The following KIRREL3 variants were observed in gnomAD, a reference collection of about 807,000 sequenced individuals.
The protein encoded by KIRREL3 is kirre like nephrin family adhesion molecule 3.
Under a neutral mutation model 89.7 loss-of-function variants are expected in KIRREL3, and 36 were observed. That is an observed-to-expected ratio of 0.40 (90% CI 0.31 to 0.53). KIRREL3 has a LOEUF of 0.53. Among genes scored for constraint, KIRREL3 ranks in the 20% least tolerant of loss-of-function variants. The probability of loss-of-function intolerance (pLI) is 0.49; values close to 1 mark genes in which losing one functional copy is unlikely to be tolerated. For synonymous variants in KIRREL3, 445 were observed against 441.4 expected (o/e 1.01, Z -0.10); for missense variants, 864 against 1,056.6 (o/e 0.82, Z 2.53).
chr11:126,928,540 G>A (rs186198994), intron 1 of KIRREL3, among the ~76,000 whole-genome samples: 202 of 152,222 alleles, frequency 1.3e-3, no homozygotes, highest in Non-Finnish European at 2.4e-3. Flanking sequence ...ACTGTCATGA[G>A]CTGGAGGCTG....
In KIRREL3 at chr11:126,564,696, G is replaced by GGATC. The variant is rs1940387006; in HGVS notation, c.56-1788_56-1785dup. 1.3e-5 allele frequency among the ~76,000 whole-genome samples: 2 copies of GGATC among 152,166 alleles called. No homozygotes were observed. Among genetic ancestry groups the GGATC allele is most frequent in the African/African-American group, 4.8e-5 (2 of 41,448 alleles). On this transcript the variant is annotated intron_variant, in intron 1 of 16. Transcript: ENST00000525144. This position sits in a 1 kb window ranked among gnomAD's most constrained non-coding sequence, Gnocchi z 7.4. ...GCTCCTGCTCTGTCGCAGGCCTCAT[G>GGATC]GATCAAAGCCCCTTTGATGTTTACT... is the stretch of plus-strand genomic sequence containing the variant.
At chr11:126,662,804 G>A (rs1443751680) in intron 1 of KIRREL3, among the ~76,000 whole-genome samples, 1 of 151,640 alleles carries the variant, frequency 6.6e-6, no homozygotes, top group Admixed American at 6.6e-5. Flanking sequence ...GTCACATGGA[G>A]GCAGAAAAAG....
chr11:126,661,692 G>T (rs968248982), intron 1 of KIRREL3, among the ~76,000 whole-genome samples: 10 of 152,148 alleles, frequency 6.6e-5, no homozygotes, highest in Non-Finnish European at 8.8e-5. Flanking sequence ...CTCATCATTG[G>T]CTGCATGTTA....
In KIRREL3 at chr11:126,996,447, C is replaced by G. The variant is rs1261726289; in HGVS notation, c.55+4008G>C. ...AGGCCACCTCTGATGTGTTCAGGCT[C>G]TCTTCCGATGCCTCCCCAACCCTGC... On this transcript the variant is annotated intron_variant, in intron 1 of 16. Transcript: ENST00000525144. The surrounding 1 kb of genome is among the most constrained non-coding windows in gnomAD (Gnocchi z 4.7). 2.6e-5 allele frequency among the ~76,000 whole-genome samples: 4 copies of G among 152,202 alleles called. No individual in the cohort carries two copies. Among genetic ancestry groups the G allele is most frequent in the Non-Finnish European group, 5.9e-5 (4 of 68,040 alleles).
In KIRREL3 at chr11:126,940,939, G is replaced by A. The variant is rs779388900; in HGVS notation, c.55+59516C>T. 6.6e-6 allele frequency: 1 copy of A among 151,828 alleles called. No homozygotes were observed. The highest frequency in any genetic ancestry group is 6.6e-5 in the Admixed American group (1 of 15,244). 9.4% of individuals were successfully genotyped at this position (151,828 alleles called of 1,614,324 possible). A position where few individuals can be genotyped will look rare whatever the true frequency, so the allele number is the denominator to read the frequency against. ...AAATTGTCCTAGTGAGTTCACTTAT[G>A]TCTGGGTTACTGTAGATTTGGGTTT... is the stretch of plus-strand genomic sequence containing the variant. On this transcript the variant is annotated intron_variant, in intron 1 of 16. Coordinates refer to ENST00000525144, the MANE Select transcript of KIRREL3 (RefSeq NM_032531.4). This position sits in a 1 kb window ranked among gnomAD's most constrained non-coding sequence, Gnocchi z 4.6.
At position 126,614,913 on chromosome 11, in the gene KIRREL3, G is replaced by A. The variant is rs1943280716; in HGVS notation, c.56-52001C>T. On this transcript the variant is annotated intron_variant, in intron 1 of 16. Coordinates refer to ENST00000525144, the MANE Select transcript of KIRREL3 (RefSeq NM_032531.4). The surrounding 1 kb of genome is among the most constrained non-coding windows in gnomAD (Gnocchi z 4.6). ...GCCGGTAAAATAGCTTTGTTCCTTG[G>A]AGAAAGTCATGTAGAGAGATAAGGT... 6.6e-6 allele frequency among the ~76,000 whole-genome samples: 1 copy of A among 152,132 alleles called. No homozygotes were observed. Among genetic ancestry groups the A allele is most frequent in the Non-Finnish European group, 1.5e-5 (1 of 68,022 alleles).
chr11:126,959,822 G>T (rs1004975327), intron 1 of KIRREL3, among the ~76,000 whole-genome samples: 3 of 152,100 alleles, frequency 2.0e-5, no homozygotes, highest in East Asian at 1.9e-4. Context: ...CCAGGATGTG[G>T]ACTGTGCCTC....
At chr11:126,711,083 A>G (rs1172085312) in intron 1 of KIRREL3, among the ~76,000 whole-genome samples, 1 of 152,162 alleles carries the variant, frequency 6.6e-6, no homozygotes, top group Non-Finnish European at 1.5e-5. Flanking sequence ...TGAATCATCA[A>G]ACACTCTGAG....
chr11:126,626,420 A>T (rs1943786505), intron 1 of KIRREL3, among the ~76,000 whole-genome samples: 1 of 152,252 alleles, frequency 6.6e-6, no homozygotes, highest in East Asian at 1.9e-4. Context: ...TTCAGTAACC[A>T]GCATGGCATG....
chr11:126,612,726 C>T lies in KIRREL3; in HGVS notation c.56-49814G>A, dbSNP rs142975708. Among the ~76,000 whole-genome samples the T allele has an allele frequency of 4.1e-4, 62 of 152,336 alleles. No individual in the cohort carries two copies. The highest frequency in any genetic ancestry group is 1.4e-3 in the African/African-American group (58 of 41,574). Reference sequence around the variant, plus strand: ...TCTGTGGATTTACCTATACTGGACACTCCTACAACATGTGGCCTTTTGTGT... The same window carrying T: ...TCTGTGGATTTACCTATACTGGACATTCCTACAACATGTGGCCTTTTGTGT... On this transcript the variant is annotated intron_variant, in intron 1 of 16. Coordinates refer to ENST00000525144, the MANE Select transcript of KIRREL3 (RefSeq NM_032531.4). This position sits in a 1 kb window ranked among gnomAD's most constrained non-coding sequence, Gnocchi z 4.5.
rs1449518340 is a variant in KIRREL3 at position 126,668,511 on chromosome 11, G to A, written c.56-105599C>T. Among the ~76,000 whole-genome samples, 3 of 152,132 alleles carry A rather than the reference G, an allele frequency of 2.0e-5. No homozygotes were observed. The highest frequency in any genetic ancestry group is 7.2e-5 in the African/African-American group (3 of 41,430). ...CCAACCGGCTGTCTAAGCTTAGGGA[G>A]CTGCCCCTGGGGAAGAGGAGCCCTG... On this transcript the variant is annotated intron_variant, in intron 1 of 16. Transcript: ENST00000525144. This position sits in a 1 kb window ranked among gnomAD's most constrained non-coding sequence, Gnocchi z 4.4.
intron 1 of KIRREL3, among the ~76,000 whole-genome samples, chr11:126,745,495 CAA>C (rs66469913): frequency 0.24 from 35,084 of 148,494 alleles, 4,208 homozygotes; most frequent in Non-Finnish European, 0.25. Flanking sequence ...AACAGAAAAA[CAA>C]AAAAAAAAAA....
In KIRREL3 at chr11:126,639,132, C is replaced by G. The variant is rs1490175064; in HGVS notation, c.56-76220G>C. Among the ~76,000 whole-genome samples the G allele has an allele frequency of 6.6e-6, 1 of 152,142 alleles. No individual in the cohort carries two copies. The highest frequency in any genetic ancestry group is 1.5e-5 in the Non-Finnish European group (1 of 68,038). ...GGCCAGCCCCCCAATCATCCCAAAG[C>G]CCAGTTAAGAGAAACACTTCGGTGC... On this transcript the variant is annotated intron_variant, in intron 1 of 16. Coordinates refer to ENST00000525144, the MANE Select transcript of KIRREL3 (RefSeq NM_032531.4). This position sits in a 1 kb window ranked among gnomAD's most constrained non-coding sequence, Gnocchi z 4.3.
At chr11:126,494,778 C>T (rs570976935) in intron 4 of KIRREL3, among the ~76,000 whole-genome samples, 58 of 152,222 alleles carry the variant, frequency 3.8e-4, no homozygotes, top group Admixed American at 1.3e-3. Flanking sequence ...TGTTTTGGGG[C>T]GGTGAGCGCT....
chr11:126,689,638 CAG>C lies in KIRREL3; in HGVS notation c.56-126728_56-126727del, dbSNP rs1257111364. Among the ~76,000 whole-genome samples, 1 of 152,196 alleles carries C rather than the reference CAG, an allele frequency of 6.6e-6. No individual in the cohort carries two copies. Among genetic ancestry groups the C allele is most frequent in the East Asian group, 1.9e-4 (1 of 5,200 alleles). On this transcript the variant is annotated intron_variant, in intron 1 of 16. Coordinates refer to ENST00000525144, the MANE Select transcript of KIRREL3 (RefSeq NM_032531.4). This position sits in a 1 kb window ranked among gnomAD's most constrained non-coding sequence, Gnocchi z 5.2. ...AGATGGGAAGAGACATCTTGTTAGC[CAG>C]TTGCTCTGGTAGCCTGCATTGCAAG...
chr11:126,984,444 C>T lies in KIRREL3; in HGVS notation c.55+16011G>A, dbSNP rs191268081. Among the ~76,000 whole-genome samples the T allele has an allele frequency of 7.9e-4, 120 of 152,234 alleles. 1 individual carries two copies. The highest frequency in any genetic ancestry group is 8.1e-4 in the Non-Finnish European group (55 of 68,002). ...CTTCCTTGATTGACAGGGGGGCAGA[C>T]GGACACTTCATGGCAGATGCAGTGC... On this transcript the variant is annotated intron_variant, in intron 1 of 16. Transcript: ENST00000525144.
chr11:126,497,404 C>T (rs1247710948), intron 4 of KIRREL3, among the ~76,000 whole-genome samples: 1 of 152,124 alleles, frequency 6.6e-6, no homozygotes, highest in Non-Finnish European at 1.5e-5. Context: ...TCCCAGTCAC[C>T]AGCATATTGC....
At position 126,533,394 on chromosome 11, in the gene KIRREL3, G is replaced by T. The variant is rs139217305; in HGVS notation, c.134-6707C>A. ...TAGACCTCCCTCTCCCACTGCCCTT[G>T]GCCAGTACTGAAAAGTCTCAAGGAA... On this transcript the variant is annotated intron_variant, in intron 2 of 16. Coordinates refer to ENST00000525144, the MANE Select transcript of KIRREL3 (RefSeq NM_032531.4). Among the ~76,000 whole-genome samples, 1,077 of 152,212 alleles carry T rather than the reference G, an allele frequency of 7.1e-3. 5 individuals carry two copies. The highest frequency in any genetic ancestry group is 0.024 in the Middle Eastern group (7 of 294).
In KIRREL3 at chr11:126,587,605, C is replaced by T. The variant is rs920697921; in HGVS notation, c.56-24693G>A. On this transcript the variant is annotated intron_variant, in intron 1 of 16. Transcript: ENST00000525144. The surrounding 1 kb of genome is among the most constrained non-coding windows in gnomAD (Gnocchi z 5.2). The stretch of plus-strand genomic sequence containing the variant: ...AAACTGAAAGAGGAGCACGCAGCAC[C>T]AATCCCTGAATCAAAATAAAAATCC... Among the ~76,000 whole-genome samples, 1 of 152,202 alleles carries T rather than the reference C, an allele frequency of 6.6e-6. No individual in the cohort carries two copies. The highest frequency in any genetic ancestry group is 1.5e-5 in the Non-Finnish European group (1 of 68,040).
Sources: gnomAD v4.1 joint callset for allele counts (sites outside exome capture counted in the v4.1 genomes callset) on GRCh38, gnomAD v4.1.1 for gene constraint, Gnocchi (gnomAD v3.1) non-coding constraint, MANE v1.5 for transcripts, NCBI Gene and HGNC (gene_info 2026-07-23, HGNC 2026-07-21) for gene names.